SDK1: variants seen among roughly 807,000 people sequenced by gnomAD.
SDK1 encodes sidekick cell adhesion molecule 1, also known as protein sidekick-1.
SDK1 carries 157 observed loss-of-function variants against 245.5 expected under a neutral mutation model. That is an observed-to-expected ratio of 0.64 (90% CI 0.56 to 0.73). The LOEUF (loss-of-function observed/expected upper bound fraction) is 0.73. Among genes scored for constraint, SDK1 ranks in the 30% least tolerant of loss-of-function variants. The pLI is 0.00. For synonymous variants in SDK1, 1,647 were observed against 1,278.5 expected, an observed-to-expected ratio of 1.29 and a Z score of -6.15; for missense variants, 3,583 against 3,002.3, an observed-to-expected ratio of 1.19 and a Z score of -4.52.
chr7:3,937,276 A>T (rs1395808897), intron 5 of SDK1, among the ~76,000 whole-genome samples: 1 of 152,152 alleles, frequency 6.6e-6, no homozygotes, highest in Non-Finnish European at 1.5e-5. Flanking sequence ...AGGCCCTGGG[A>T]ATGTGGGCAG....
At chr7:3,655,409 G>C (rs1330437223) in intron 4 of SDK1, among the ~76,000 whole-genome samples, 1 of 136,252 alleles carries the variant, frequency 7.3e-6, no homozygotes, top group African/African-American at 2.8e-5. Flanking sequence ...CTCCAGCCTG[G>C]GCAACAAGAG....
At chr7:3,660,304 C>T (rs955926377) in intron 4 of SDK1, among the ~76,000 whole-genome samples, 6 of 151,832 alleles carry the variant, frequency 4.0e-5, no homozygotes, top group African/African-American at 9.7e-5. Flanking sequence ...TACCATGGAC[C>T]ACCAAGAAGA....
chr7:3,340,055 C>T (rs1402402307), intron 1 of SDK1, among the ~76,000 whole-genome samples: 1 of 151,960 alleles, frequency 6.6e-6, no homozygotes, highest in Non-Finnish European at 1.5e-5. Context: ...TAGGAAATCC[C>T]ACAGATAACT....
At chr7:3,420,550 C>CT (rs1779507686) in intron 1 of SDK1, among the ~76,000 whole-genome samples, 1 of 152,064 alleles carries the variant, frequency 6.6e-6, no homozygotes, top group Non-Finnish European at 1.5e-5. Context: ...TCGTGCTAAT[C>CT]TTTTAGGGGG....
chr7:3,637,801 C>A (rs147110019), intron 2 of SDK1, among the ~76,000 whole-genome samples: 1 of 152,176 alleles, frequency 6.6e-6, no homozygotes, highest in South Asian at 2.1e-4. Context: ...TCAGGGAATA[C>A]GTGGAGAAGT....
chr7:3,794,344 A>T (rs1278741661), intron 4 of SDK1, among the ~76,000 whole-genome samples: 1 of 152,140 alleles, frequency 6.6e-6, no homozygotes, highest in Admixed American at 6.5e-5. Flanking sequence ...TAACGATTTT[A>T]AAAATAGGAA....
intron 4 of SDK1, among the ~76,000 whole-genome samples, chr7:3,677,430 T>C (rs1583298069): frequency 6.6e-6 from 1 of 152,016 alleles, no homozygotes; most frequent in Admixed American, 6.6e-5. Flanking sequence ...TGGCTGAAGG[T>C]GAATGAGGAG....
chr7:3,989,595 G>GT (rs1459004531), intron 14 of SDK1, among the ~76,000 whole-genome samples: 1 of 152,128 alleles, frequency 6.6e-6, no homozygotes, highest in Non-Finnish European at 1.5e-5. Context: ...ACGGGTCCCT[G>GT]TTTTCAGGAC....
chr7:3,606,666 C>A (rs1273833931), intron 1 of SDK1, among the ~76,000 whole-genome samples: 1 of 152,144 alleles, frequency 6.6e-6, no homozygotes, highest in Non-Finnish European at 1.5e-5. Flanking sequence ...TCAGCTGCTT[C>A]CCTTTCTTAC....
intron 4 of SDK1, among the ~76,000 whole-genome samples, chr7:3,754,163 C>G (rs531210108): frequency 1.3e-5 from 2 of 152,268 alleles, no homozygotes; most frequent in African/African-American, 2.4e-5. Flanking sequence ...TTTTATTCAG[C>G]TGAACTGAAT....
chr7:3,895,707 C>G (rs1228623217), intron 5 of SDK1, among the ~76,000 whole-genome samples: 2 of 152,150 alleles, frequency 1.3e-5, no homozygotes. Context: ...TTCTTCTTTT[C>G]TAGTGTAAGT....
chr7:3,608,604 G>A (rs114597125), intron 1 of SDK1, among the ~76,000 whole-genome samples: 241 of 152,172 alleles, frequency 1.6e-3, no homozygotes, highest in African/African-American at 5.3e-3. Flanking sequence ...GATGAGATAG[G>A]TAGCTGTGTT....
chr7:4,135,573 A>G (rs951953192), intron 28 of SDK1, among the ~76,000 whole-genome samples: 2 of 152,228 alleles, frequency 1.3e-5, no homozygotes, highest in African/African-American at 4.8e-5. Context: ...CATCACGGAC[A>G]AGTAGGCCGG....
In SDK1 at chr7:3,817,162, C is replaced by A. The variant is rs1173211861; in HGVS notation, c.714-4288C>A. Among the ~76,000 whole-genome samples the A allele has an allele frequency of 2.6e-5, 4 of 152,084 alleles. No homozygotes were observed. In the East Asian group the frequency reaches 7.7e-4, roughly 29 times the overall value. ...AGACAATTTATATTTTCATGGAAGC[C>A]AACGGATGGGTTACAGTGCAAGTTT... On this transcript the variant is annotated intron_variant, in intron 4 of 44. Transcript: ENST00000404826.
chr7:3,878,937 C>G (rs1781139758), intron 5 of SDK1, among the ~76,000 whole-genome samples: 1 of 151,818 alleles, frequency 6.6e-6, no homozygotes, highest in South Asian at 2.1e-4. Context: ...CCACTCAGGT[C>G]AAGATAAAAA....
intron 28 of SDK1, among the ~76,000 whole-genome samples, chr7:4,136,352 A>G (rs1779091084): frequency 6.6e-6 from 1 of 152,170 alleles, no homozygotes; most frequent in South Asian, 2.1e-4. Flanking sequence ...AAAGCAAAAC[A>G]TCTTTTCGTC....
chr7:3,859,043 T>C (rs1780619168), intron 5 of SDK1, among the ~76,000 whole-genome samples: 1 of 151,486 alleles, frequency 6.6e-6, no homozygotes, highest in Admixed American at 6.6e-5. Context: ...TTTGTATTTT[T>C]AGTAGAGACG....
At chr7:3,626,548 C>T (rs148787314) in intron 2 of SDK1, among the ~76,000 whole-genome samples, 59 of 152,358 alleles carry the variant, frequency 3.9e-4, no homozygotes, top group African/African-American at 1.4e-3. Context: ...AGGCCCTCAT[C>T]TCACCTTTTA....
intron 17 of SDK1, among the ~76,000 whole-genome samples, chr7:4,032,129 C>G (rs1787868203): frequency 6.6e-6 from 1 of 151,796 alleles, no homozygotes; most frequent in South Asian, 2.1e-4. Context: ...GACAAATGCA[C>G]CAGATAAGAA....
Sources: gnomAD v4.1 joint callset for allele counts (sites outside exome capture counted in the v4.1 genomes callset) on GRCh38, gnomAD v4.1.1 for gene constraint, MANE v1.5 for transcripts, NCBI Gene and HGNC (gene_info 2026-07-23, HGNC 2026-07-21) for gene names.